Variants in MYRFL observed in about 807,000 individuals in gnomAD.
The protein encoded by MYRFL is myelin regulatory factor-like protein.
A neutral mutation model predicts 109.4 loss-of-function variants in MYRFL; 88 were observed. That is an observed-to-expected ratio of 0.80 (90% CI 0.68 to 0.96). The LOEUF is 0.96. Ranked by LOEUF, MYRFL falls within the 40% of genes least tolerant of loss-of-function variation. The pLI, the probability that MYRFL is intolerant of heterozygous loss-of-function variation, is 0.00. For synonymous variants in MYRFL, 324 were observed against 320.9 expected (o/e 1.01, Z -0.10); for missense variants, 957 against 954.9 (o/e 1.00, Z -0.03).
At chr12:69,890,170 GC>G (rs1316617794) in intron 6 of MYRFL, among the ~76,000 whole-genome samples, 2 of 152,154 alleles carry the variant, frequency 1.3e-5, no homozygotes, top group Non-Finnish European at 2.9e-5. Flanking sequence ...TGCTAAGTCT[GC>G]TTTTTCATGT....
intron 13 of MYRFL, among the ~76,000 whole-genome samples, chr12:69,925,637 G>A (rs923180878): frequency 3.9e-5 from 6 of 152,196 alleles, no homozygotes; most frequent in Non-Finnish European, 7.3e-5. Flanking sequence ...TGTTATGGCT[G>A]AGAAATGGGC....
At chr12:69,907,857 A>G (rs970735894) in intron 11 of MYRFL, among the ~76,000 whole-genome samples, 1 of 152,160 alleles carries the variant, frequency 6.6e-6, no homozygotes, top group African/African-American at 2.4e-5. Context: ...GTAGCTACTC[A>G]ATAGATATTT....
chr12:69,913,616 G>A (rs948374599), intron 13 of MYRFL, among the ~76,000 whole-genome samples: 2 of 152,074 alleles, frequency 1.3e-5, no homozygotes, highest in African/African-American at 2.4e-5. Flanking sequence ...ATATGTGAGA[G>A]TTTATTTCTG....
rs200887106 is a variant in MYRFL, at chr12:69,878,458, T to C, written c.138-570T>C. On this transcript the variant is annotated intron_variant, in intron 2 of 24. Transcript: ENST00000552032. ...TATGTACAACCATTTTTTTCTGGTATAGGAGTATTAAGAAGTAATTATTTA... is the reference window on the plus strand; with the variant it reads ...TATGTACAACCATTTTTTTCTGGTACAGGAGTATTAAGAAGTAATTATTTA... Among the ~76,000 whole-genome samples, 8 of 152,094 alleles carry C rather than the reference T, an allele frequency of 5.3e-5. No individual in the cohort carries two copies. In the East Asian group the frequency reaches 1.2e-3, roughly 22 times the overall value.
chr12:69,927,565 C>G, intron 14 of MYRFL, 120 bp from the exon 15 acceptor site: 2 of 708,394 alleles, frequency 2.8e-6, no homozygotes, highest in Non-Finnish European at 4.5e-6. Context: ...TTTTTGTTTT[C>G]AAAATATCAC....
At chr12:69,836,467 A>G (rs1446859499) in intron 1 of MYRFL, among the ~76,000 whole-genome samples, 1 of 152,212 alleles carries the variant, frequency 6.6e-6, no homozygotes, top group African/African-American at 2.4e-5. Flanking sequence ...AGAGGCAGAA[A>G]TGACACAAAT....
At chr12:69,868,391 G>A (rs1885137185) in intron 2 of MYRFL, among the ~76,000 whole-genome samples, 1 of 152,092 alleles carries the variant, frequency 6.6e-6, no homozygotes, top group African/African-American at 2.4e-5. Context: ...GGGATTACGG[G>A]CATGAGCCAC....
intron 13 of MYRFL, among the ~76,000 whole-genome samples, chr12:69,911,805 A>T (rs1954580726): frequency 6.6e-6 from 1 of 152,200 alleles, no homozygotes; most frequent in East Asian, 1.9e-4. Context: ...AGTCATGGGG[A>T]GAGATGCTTG....
chr12:69,932,479 A>C, intron 15 of MYRFL, 34 bp from the exon 16 acceptor site: 1 of 1,428,564 alleles, frequency 7.0e-7, no homozygotes, highest in Non-Finnish European at 9.5e-7. Context: ...AGAGTTGCTA[A>C]TTTATCACTG....
intron 19 of MYRFL, among the ~76,000 whole-genome samples, chr12:69,938,473 G>C (rs1282885154): frequency 6.6e-6 from 1 of 152,108 alleles, no homozygotes; most frequent in African/African-American, 2.4e-5. Flanking sequence ...AGGGAATATA[G>C]TCATGTGCCA....
chr12:69,827,465 T>C (rs1052160499), intron 1 of MYRFL, among the ~76,000 whole-genome samples: 1 of 151,980 alleles, frequency 6.6e-6, no homozygotes, highest in Non-Finnish European at 1.5e-5. Flanking sequence ...CTGCCACTGA[T>C]GCAATAGGTA....
chr12:69,845,475 G>C (rs2136318193), intron 1 of MYRFL, among the ~76,000 whole-genome samples: 2 of 152,294 alleles, frequency 1.3e-5, no homozygotes, highest in South Asian at 4.1e-4. Flanking sequence ...TGTGAATCCA[G>C]GAGGCATGTG....
In MYRFL at chr12:69,903,625, T is replaced by A; in HGVS notation, c.1183-19T>A. On this transcript the variant is annotated intron_variant, in intron 10 of 24. Transcript: ENST00000552032. ...TGCTACTGTTACTTTAATTGTAATATATTTATGTATTTTTCCAGGCCTCTA... is the reference window on the plus strand; with the variant it reads ...TGCTACTGTTACTTTAATTGTAATAAATTTATGTATTTTTCCAGGCCTCTA... The A allele has an allele frequency of 6.5e-7, 1 of 1,534,756 alleles. No individual in the cohort carries two copies. Among genetic ancestry groups the A allele is most frequent in the Non-Finnish European group, 8.7e-7 (1 of 1,145,850 alleles).
At chr12:69,884,795 A>G (rs1178591949) in intron 5 of MYRFL, among the ~76,000 whole-genome samples, 1 of 152,212 alleles carries the variant, frequency 6.6e-6, no homozygotes, top group Non-Finnish European at 1.5e-5. Context: ...AACTCTTACC[A>G]GTGGTAGACA....
In MYRFL at chr12:69,903,917, G is replaced by A. The variant is rs1350491540; in HGVS notation, c.1383+73G>A. 36 of 1,348,640 alleles carry A rather than the reference G, an allele frequency of 2.7e-5. 1 individual carries two copies. 83.5% of individuals were successfully genotyped at this position (1,348,640 alleles called of 1,614,324 possible). Reference sequence around the variant, plus strand: ...GGTTTGCTGGGTGCTCCTGGCCTCTGACACACCTTGAACCGCACATCTTTA... The same window carrying A: ...GGTTTGCTGGGTGCTCCTGGCCTCTAACACACCTTGAACCGCACATCTTTA... On this transcript the variant is annotated intron_variant, in intron 11 of 24. Coordinates refer to ENST00000552032, the MANE Select transcript of MYRFL (RefSeq NM_182530.3).
chr12:69,896,695 G>A (rs893961241), intron 9 of MYRFL, among the ~76,000 whole-genome samples: 1 of 152,230 alleles, frequency 6.6e-6, no homozygotes, highest in African/African-American at 2.4e-5. Flanking sequence ...CAGACCCTAG[G>A]AGTCAGTCTC....
chr12:69,847,049 G>GT (rs574806760), intron 1 of MYRFL, among the ~76,000 whole-genome samples: 88 of 152,090 alleles, frequency 5.8e-4, no homozygotes, highest in Non-Finnish European at 1.2e-3. Context: ...GGGGTTGTTT[G>GT]TTTTTTTCTT....
chr12:69,939,914 G>T (rs372742429), intron 19 of MYRFL, among the ~76,000 whole-genome samples: 1 of 152,104 alleles, frequency 6.6e-6, no homozygotes, highest in Admixed American at 6.6e-5. Context: ...CTCAGGAGCC[G>T]ATGCGATCAA....
Position 69,920,570 on chromosome 12 carries a change from G to A in MYRFL, c.1603-6001G>A, listed in dbSNP as rs563177835. ...GATGAAATATAAGCTCTGTCCAGGT[G>A]AGCCCACTCTCTAGGTAAATCTGAC... is the stretch of plus-strand genomic sequence containing the variant. On this transcript the variant is annotated intron_variant, in intron 13 of 24. Transcript: ENST00000552032. 1.4e-3 allele frequency among the ~76,000 whole-genome samples: 202 copies of A among 148,648 alleles called. 1 individual carries two copies. Among genetic ancestry groups the A allele is most frequent in the African/African-American group, 4.8e-3 (197 of 40,736 alleles).
Sources: allele counts gnomAD v4.1 joint callset (sites outside exome capture counted in the v4.1 genomes callset), GRCh38; gene constraint gnomAD v4.1.1; transcripts MANE v1.5; gene names NCBI Gene and HGNC (gene_info 2026-07-23, HGNC 2026-07-21).